Variants in ROBO1 observed in about 807,000 individuals in gnomAD.
ROBO1 encodes roundabout homolog 1.
ROBO1 carries 149 observed loss-of-function variants against 195.9 expected under a neutral mutation model. That is an observed-to-expected ratio of 0.76 (90% confidence interval 0.67 to 0.87). ROBO1 has a LOEUF of 0.87. Among genes scored for constraint, ROBO1 ranks in the 40% least tolerant of loss-of-function variants. The pLI, the probability that ROBO1 is intolerant of heterozygous loss-of-function variation, is 0.00. For synonymous variants in ROBO1, 816 were observed against 733.2 expected, an observed-to-expected ratio of 1.11 and a Z score of -1.82; for missense variants, 1,933 against 2,068.3, an observed-to-expected ratio of 0.93 and a Z score of 1.27.
At chr3:79,369,035 A>C (rs1005591479) in intron 2 of ROBO1, among the ~76,000 whole-genome samples, 1 of 152,230 alleles carries the variant, frequency 6.6e-6, no homozygotes, top group East Asian at 1.9e-4. Flanking sequence ...ACCTTCAACT[A>C]TCCTGTCAGT....
chr3:78,806,731 G>A (rs75656281), intron 4 of ROBO1, among the ~76,000 whole-genome samples: 1,724 of 152,214 alleles, frequency 0.011, 36 homozygotes, highest in African/African-American at 0.04. Context: ...ATCATTTAAT[G>A]ATTTAGATCT....
At chr3:79,188,646 G>A (rs1253141575) in intron 2 of ROBO1, among the ~76,000 whole-genome samples, 4 of 151,634 alleles carry the variant, frequency 2.6e-5, no homozygotes, top group Admixed American at 6.6e-5. Context: ...AAAATATGAA[G>A]ATGCCCTTTC....
chr3:78,983,066 C>T (rs2108000911), intron 3 of ROBO1, among the ~76,000 whole-genome samples: 1 of 152,180 alleles, frequency 6.6e-6, no homozygotes, highest in East Asian at 1.9e-4. Context: ...AACCACCACA[C>T]CAAGCTAATT....
chr3:78,863,388 T>C (rs2034970077), intron 4 of ROBO1, among the ~76,000 whole-genome samples: 1 of 152,190 alleles, frequency 6.6e-6, no homozygotes, highest in South Asian at 2.1e-4. Context: ...TTTCAGATTT[T>C]TACAACTAAG....
At position 78,693,274 on chromosome 3, in the gene ROBO1, G is replaced by T. The variant is rs2081215674; in HGVS notation, c.1046-4502C>A. 6 of 1,542,042 alleles carry T rather than the reference G, an allele frequency of 3.9e-6. No homozygotes were observed. In the South Asian group the frequency reaches 7.3e-5, roughly 19 times the overall value. The stretch of plus-strand genomic sequence containing the variant: ...TGGTTGAAGGACATGGAAGGGTATG[G>T]ATGGAAAGGGGAAGAGAAGTTCCAG... On this transcript the variant is annotated intron_variant, in intron 8 of 30. Coordinates refer to ENST00000464233, the MANE Select transcript of ROBO1 (RefSeq NM_002941.4).
chr3:79,661,502 TTTC>T (rs1391094706), intron 1 of ROBO1, among the ~76,000 whole-genome samples: 1 of 151,982 alleles, frequency 6.6e-6, no homozygotes, highest in Non-Finnish European at 1.5e-5. Flanking sequence ...AAATGTATCA[TTTC>T]TTCTTTTCTT....
At chr3:79,510,575 C>G (rs1296131357) in intron 2 of ROBO1, among the ~76,000 whole-genome samples, 1 of 139,824 alleles carries the variant, frequency 7.2e-6, no homozygotes, top group Admixed American at 7.1e-5. Flanking sequence ...TTGAAAGGGT[C>G]AAGTTGGAGG....
At position 79,237,810 on chromosome 3, in the gene ROBO1, G is replaced by A. The variant is rs374231628; in HGVS notation, c.89-112271C>T. Among the ~76,000 whole-genome samples, 89 of 152,188 alleles carry A rather than the reference G, an allele frequency of 5.8e-4. No homozygotes were observed. The East Asian group carries it at 0.013, about 21-fold the overall frequency. On this transcript the variant is annotated intron_variant, in intron 2 of 30. Transcript: ENST00000464233. Reference sequence around the variant, plus strand: ...ACTGAGAAAAATTTTATCAGCCAAAGCTCTTGGATCCAAAAAATTTCAGTC... The same window carrying A: ...ACTGAGAAAAATTTTATCAGCCAAAACTCTTGGATCCAAAAAATTTCAGTC...
chr3:79,530,323 T>G (rs1027706159), intron 2 of ROBO1, among the ~76,000 whole-genome samples: 2 of 152,112 alleles, frequency 1.3e-5, no homozygotes, highest in African/African-American at 4.8e-5. Context: ...GACCCTCAAA[T>G]ATATATCATC....
chr3:79,145,708 G>A (rs149042418), intron 2 of ROBO1, among the ~76,000 whole-genome samples: 1 of 152,072 alleles, frequency 6.6e-6, no homozygotes, highest in Non-Finnish European at 1.5e-5. Context: ...GGATTGTCCT[G>A]AATTTAAACC....
chr3:78,908,100 T>G (rs2038033216), intron 4 of ROBO1, among the ~76,000 whole-genome samples: 1 of 151,898 alleles, frequency 6.6e-6, no homozygotes, highest in Admixed American at 6.6e-5. Context: ...TCACTCATTT[T>G]AACTGGCCTG....
At position 79,223,463 on chromosome 3, in the gene ROBO1, A is replaced by T. The variant is rs533563108; in HGVS notation, c.89-97924T>A. Among the ~76,000 whole-genome samples the T allele has an allele frequency of 1.4e-4, 22 of 152,282 alleles. No individual in the cohort carries two copies. The South Asian group carries it at 2.5e-3, about 17-fold the overall frequency. On this transcript the variant is annotated intron_variant, in intron 2 of 30. Coordinates refer to ENST00000464233, the MANE Select transcript of ROBO1 (RefSeq NM_002941.4). ...CTTATCAGTCTCTCCATATGCAAAT[A>T]TAAAGAATCTGATCCATCTCCTGAT...
intron 2 of ROBO1, among the ~76,000 whole-genome samples, chr3:79,263,959 T>C (rs768228030): frequency 5.9e-5 from 9 of 152,110 alleles, no homozygotes; most frequent in Non-Finnish European, 1.2e-4. Flanking sequence ...ATTGAATTTC[T>C]ACCTCCAAAA....
chr3:78,802,267 C>A (rs1415486779), intron 4 of ROBO1, among the ~76,000 whole-genome samples: 1 of 152,140 alleles, frequency 6.6e-6, no homozygotes, highest in African/African-American at 2.4e-5. Flanking sequence ...ATTTTACAAT[C>A]TCTTTCTGAA....
chr3:79,577,123 A>G (rs183496120), intron 2 of ROBO1, among the ~76,000 whole-genome samples: 3,341 of 151,586 alleles, frequency 0.022, 71 homozygotes, highest in South Asian at 0.038. Context: ...TACACAATAC[A>G]TAGTTTACAA....
At chr3:79,441,531 A>G (rs2039053891) in intron 2 of ROBO1, among the ~76,000 whole-genome samples, 1 of 152,126 alleles carries the variant, frequency 6.6e-6, no homozygotes, top group Non-Finnish European at 1.5e-5. Context: ...ATGGAGCTTG[A>G]ATAGATCTGT....
intron 4 of ROBO1, among the ~76,000 whole-genome samples, chr3:78,844,102 T>C (rs946528150): frequency 3.9e-5 from 6 of 152,138 alleles, no homozygotes; most frequent in African/African-American, 1.4e-4. Context: ...GTTGTTTAAA[T>C]TGCTATTTTT....
At chr3:78,991,256 A>G (rs897897746) in intron 3 of ROBO1, among the ~76,000 whole-genome samples, 1 of 152,118 alleles carries the variant, frequency 6.6e-6, no homozygotes, top group Non-Finnish European at 1.5e-5. Context: ...TGAACAAGAG[A>G]TATTAGTACA....
intron 2 of ROBO1, among the ~76,000 whole-genome samples, chr3:79,280,768 A>T (rs1421882519): frequency 6.6e-6 from 1 of 152,128 alleles, no homozygotes; most frequent in Non-Finnish European, 1.5e-5. Context: ...TCAGATCATC[A>T]AGCATTCGAT....
Sources: gnomAD v4.1 joint callset for allele counts (sites outside exome capture counted in the v4.1 genomes callset) on GRCh38, gnomAD v4.1.1 for gene constraint, MANE v1.5 for transcripts, NCBI Gene and HGNC (gene_info 2026-07-23, HGNC 2026-07-21) for gene names.